The following OGG1 variants were observed in gnomAD, a reference collection of about 807,000 sequenced individuals.
OGG1 encodes 8-oxoguanine DNA glycosylase, also known as N-glycosylase/DNA lyase.
In OGG1, 35 loss-of-function variants were observed where a neutral mutation model predicts 42.3. The ratio of observed to expected loss-of-function variants is 0.83; its 90% CI spans 0.63 to 1.10. OGG1 has a LOEUF of 1.10. Ranked by LOEUF, OGG1 falls within the 50% of genes least tolerant of loss-of-function variation. The pLI, the probability that OGG1 is intolerant of heterozygous loss-of-function variation, is 0.00. For missense variants in OGG1, 484 were observed against 446.7 expected, an observed-to-expected ratio of 1.08 and a Z score of -0.75; for synonymous variants, 189 against 179.0, an observed-to-expected ratio of 1.06 and a Z score of -0.44.
chr3:9,774,897 A>G (rs1478175954), intron 2 of OGG1, among the ~76,000 whole-genome samples: 2 of 152,204 alleles, frequency 1.3e-5, no homozygotes, highest in Non-Finnish European at 2.9e-5. Flanking sequence ...TCTTCTGGCA[A>G]TCAATTTCAG....
chr3:9,789,820 G>A (rs1250336177), downstream of OGG1: 5 of 1,614,224 alleles, frequency 3.1e-6, no homozygotes, highest in Admixed American at 1.7e-5. Context: ...GCCGTCCTGG[G>A]CCAGGGCCCG....
exon 8 of OGG1, chr3:9,765,813 T>A (rs2078126691): frequency 1.2e-6 from 2 of 1,614,056 alleles, no homozygotes; most frequent in Non-Finnish European, 1.7e-6. Flanking sequence ...CTCCAGGGCC[T>A]CCTTGGCAAT....
intron 3 of OGG1, among the ~76,000 whole-genome samples, chr3:9,782,888 C>T (rs2078512747): frequency 6.6e-6 from 1 of 151,952 alleles, no homozygotes; most frequent in Non-Finnish European, 1.5e-5. Flanking sequence ...AGCAAAGAGA[C>T]TTGTTCGGGT....
At chr3:9,761,442 A>G (rs17252807), downstream of OGG1, 785,727 of 1,599,426 alleles carry the variant, frequency 0.49, 201,953 homozygotes, top group Non-Finnish European at 0.53. Flanking sequence ...ACAGCCTACC[A>G]TGGCCAAGCC....
chr3:9,755,773 A>G (rs2077519904), intron 4 of OGG1, among the ~76,000 whole-genome samples: 1 of 151,040 alleles, frequency 6.6e-6, no homozygotes, highest in Admixed American at 6.6e-5. Context: ...TTTTTTCTTT[A>G]TACTTCTCTG....
chr3:9,764,628 G>GTTTTTTTTTTTTTTTTT (rs55972033), intron 7 of OGG1, among the ~76,000 whole-genome samples: 2 of 92,336 alleles, frequency 2.2e-5, no homozygotes, highest in Non-Finnish European at 4.1e-5. Context: ...TTTTTTTTTT[G>GTTTTTTTTTTTTTTTTT]TTTTTTTTTT....
At chr3:9,787,544 G>GAC (rs1037600953) in intron 3 of OGG1, 9 of 948,678 alleles carry the variant, frequency 9.5e-6, no homozygotes, top group South Asian at 5.2e-5. Context: ...AAAGAACTAA[G>GAC]ACACACACAC....
downstream of OGG1, chr3:9,760,805 G>A (rs1575229673): frequency 5.0e-6 from 8 of 1,612,372 alleles, no homozygotes; most frequent in East Asian, 4.5e-5. Context: ...TTCCACTTTC[G>A]GGTGCCGTTG....
downstream of OGG1, among the ~76,000 whole-genome samples, chr3:9,767,000 C>A (rs923903363): frequency 2.0e-5 from 3 of 152,144 alleles, no homozygotes; most frequent in South Asian, 2.1e-4. Flanking sequence ...ACTCTCCCCC[C>A]AGCCTGTGAT....
chr3:9,756,767 GA>G lies in OGG1; in HGVS notation c.902del (p.Asn301ThrfsTer105). Reference sequence around the variant, plus strand: ...CTTAGTCTCATCACTTCTGATTTAGGAAACTTTTTCCGGAGCCTGTGGGGAC... The same window carrying G: ...CTTAGTCTCATCACTTCTGATTTAGGAACTTTTTCCGGAGCCTGTGGGGAC... Reference protein sequence around the residue: ...GPSPQTNKELGNFFRSLWGPY... With the variant: ...GPSPQTNKELXNFFRSLWGPY... On this transcript the variant is annotated frameshift_variant and splice_region_variant, in exon 6 of 7. Coordinates refer to ENST00000344629, the MANE Select transcript of OGG1 (RefSeq NM_002542.6). LOFTEE classifies it high-confidence loss of function. The G allele has an allele frequency of 1.9e-6, 3 of 1,614,136 alleles. No individual in the cohort carries two copies. The highest frequency in any genetic ancestry group is 2.5e-6 in the Non-Finnish European group (3 of 1,180,012).
At chr3:9,756,674 C>G (rs1226749881) in intron 5 of OGG1, 53 bp downstream of exon 5, 3 of 1,610,854 alleles carry the variant, frequency 1.9e-6, no homozygotes, top group Non-Finnish European at 2.5e-6. Flanking sequence ...GTAGAAACTT[C>G]TCTCTCTCTT....
chr3:9,767,682 C>G, downstream of OGG1: 1 of 1,614,136 alleles, frequency 6.2e-7, no homozygotes, highest in Non-Finnish European at 8.5e-7. Flanking sequence ...CAGAACATCT[C>G]GGAAGTCGTA....
chr3:9,753,366 A>T (rs1559684015), intron 3 of OGG1, among the ~76,000 whole-genome samples: 1 of 148,006 alleles, frequency 6.8e-6, no homozygotes, highest in East Asian at 2.0e-4. Context: ...AAAAAAAAAA[A>T]ACCTGGCCGG....
At chr3:9,759,175 C>G, downstream of OGG1, 1 of 1,603,770 alleles carries the variant, frequency 6.2e-7, no homozygotes, top group East Asian at 2.2e-5. Context: ...CTAATTCCTA[C>G]TTAACTGACA....
At chr3:9,752,077 T>G in intron 3 of OGG1, 128 bp downstream of exon 3, 1 of 828,350 alleles carries the variant, frequency 1.2e-6, no homozygotes, top group Admixed American at 2.1e-5. Flanking sequence ...CCGCCCTGCC[T>G]GGTCTGATCA....
intron 3 of OGG1, among the ~76,000 whole-genome samples, chr3:9,754,364 G>T (rs1260186237): frequency 3.9e-5 from 6 of 152,202 alleles, no homozygotes; most frequent in African/African-American, 1.4e-4. Flanking sequence ...TTGCTATATT[G>T]TGGTTATTTT....
chr3:9,765,848 C>A (rs778831944), exon 8 of OGG1: 2 of 1,613,854 alleles, frequency 1.2e-6, no homozygotes, highest in Admixed American at 1.7e-5. Flanking sequence ...CCAGCTTCTG[C>A]GTCCTCTTAT....
Position 9,751,714 on chromosome 3 carries a change from A to G in OGG1, c.386-56A>G. The G allele has an allele frequency of 2.6e-6, 4 of 1,534,656 alleles. No homozygotes were observed. In the South Asian group the frequency reaches 4.5e-5, roughly 17 times the overall value. On this transcript the variant is annotated intron_variant, in intron 2 of 6. Coordinates refer to ENST00000344629, the MANE Select transcript of OGG1 (RefSeq NM_002542.6). ...CCTAGGATCTGACCTGTGGGTGGGAAGAGGCCACACCCAACAGCAGGTACC... is the reference window on the plus strand; with the variant it reads ...CCTAGGATCTGACCTGTGGGTGGGAGGAGGCCACACCCAACAGCAGGTACC...
chr3:9,763,078 G>A, intron 7 of OGG1: 5 of 1,614,122 alleles, frequency 3.1e-6, no homozygotes, highest in Non-Finnish European at 4.2e-6. Flanking sequence ...GGGCAGTCTG[G>A]CAAAGAGGGT....
Sources: allele counts gnomAD v4.1 joint callset (sites outside exome capture counted in the v4.1 genomes callset), GRCh38; gene constraint gnomAD v4.1.1; transcripts MANE v1.5; gene names NCBI Gene and HGNC (gene_info 2026-07-23, HGNC 2026-07-21).